KIAA0232: variants seen among roughly 807,000 people sequenced by gnomAD.
KIAA0232 encodes KIAA0232.
KIAA0232 carries 27 observed loss-of-function variants against 122.0 expected under a neutral mutation model. The observed-to-expected ratio is 0.22, with a 90% confidence interval of 0.16 to 0.31. The LOEUF (loss-of-function observed/expected upper bound fraction) is 0.31. KIAA0232 is among the 10% of genes least tolerant of loss of function. The pLI is 1.00. For missense variants in KIAA0232, 1,551 were observed against 1,634.2 expected, an observed-to-expected ratio of 0.95 and a Z score of 0.88; for synonymous variants, 613 against 587.6, an observed-to-expected ratio of 1.04 and a Z score of -0.63.
chr4:6,863,361 C>T lies in KIAA0232; in HGVS notation c.2979C>T (p.Phe993=), dbSNP rs371637563. The T allele has an allele frequency of 2.3e-5, 37 of 1,614,100 alleles. 1 individual carries two copies. The Middle Eastern group carries it at 1.3e-3, about 58-fold the overall frequency. The change falls in exon 7 of 10, where the codon TTC becomes TTT. Residue 993 remains phenylalanine, a synonymous_variant. Transcript: ENST00000307659. Reference sequence around the variant, plus strand: ...GGCACAGGCAGTTATGGAAACCCTTCGTGTCATTTGAACAGAATGATCAGC... The same window carrying T: ...GGCACAGGCAGTTATGGAAACCCTTTGTGTCATTTGAACAGAATGATCAGC... ...APGHRQLWKP[F]VSFEQNDQPK...
chr4:6,856,146 A>C (rs1720556902), intron 4 of KIAA0232, among the ~76,000 whole-genome samples: 1 of 152,092 alleles, frequency 6.6e-6, no homozygotes. Flanking sequence ...CTTATGTAGG[A>C]TATCTATAAT....
chr4:6,878,408 CATACATAAATAT>C (rs1721870453), intron 9 of KIAA0232, among the ~76,000 whole-genome samples: 1 of 152,114 alleles, frequency 6.6e-6, no homozygotes, highest in Admixed American at 6.5e-5. Flanking sequence ...TACATACATA[CATACATAAATAT>C]ATACATACAT....
At chr4:6,784,515 C>A (rs1387131135) in intron 1 of KIAA0232, among the ~76,000 whole-genome samples, 1 of 152,154 alleles carries the variant, frequency 6.6e-6, no homozygotes, top group East Asian at 1.9e-4. Flanking sequence ...TGGATTGAAC[C>A]ATTCTTAAAT....
intron 2 of KIAA0232, among the ~76,000 whole-genome samples, chr4:6,814,094 G>T (rs1164457374): frequency 6.6e-6 from 1 of 152,178 alleles, no homozygotes; most frequent in East Asian, 1.9e-4. Flanking sequence ...GCAAGTATAT[G>T]TATGTGCTGA....
intron 1 of KIAA0232, among the ~76,000 whole-genome samples, chr4:6,800,641 A>G (rs924794539): frequency 2.0e-5 from 3 of 151,860 alleles, no homozygotes; most frequent in Non-Finnish European, 4.4e-5. Flanking sequence ...AGATCATGCC[A>G]CTGCACTGCA....
intron 3 of KIAA0232, among the ~76,000 whole-genome samples, chr4:6,834,124 T>TG (rs2109084373): frequency 6.6e-6 from 1 of 152,316 alleles, no homozygotes; most frequent in African/African-American, 2.4e-5. Context: ...GATAGGGTCT[T>TG]GCTTTCGCCC....
chr4:6,833,718 C>T (rs900389901), intron 3 of KIAA0232, among the ~76,000 whole-genome samples: 1 of 152,152 alleles, frequency 6.6e-6, no homozygotes, highest in Non-Finnish European at 1.5e-5. Context: ...TTCACTTTGA[C>T]TCCCATAGTG....
chr4:6,833,500 T>C, intron 3 of KIAA0232, among the ~76,000 whole-genome samples: 1 of 152,004 alleles, frequency 6.6e-6, no homozygotes, highest in South Asian at 2.1e-4. Flanking sequence ...CATGGTGGTG[T>C]GTGCCTGTAG....
At position 6,805,721 on chromosome 4, in the gene KIAA0232, T is replaced by C. The variant is rs149262427; in HGVS notation, c.-270+1115T>C. On this transcript the variant is annotated intron_variant, in intron 2 of 9. Transcript: ENST00000307659. ...TGATATAGTATTTTATATGATAAAA[T>C]GTTTCAACGTTGACAAAGTGGGTTT... Among the ~76,000 whole-genome samples, 330 of 152,322 alleles carry C rather than the reference T, an allele frequency of 2.2e-3. 1 individual carries two copies. Among genetic ancestry groups the C allele is most frequent in the African/African-American group, 7.3e-3 (302 of 41,582 alleles).
chr4:6,875,371 A>T (rs921037522), intron 8 of KIAA0232, among the ~76,000 whole-genome samples: 1 of 152,264 alleles, frequency 6.6e-6, no homozygotes, highest in Non-Finnish European at 1.5e-5. Flanking sequence ...ACAAGTAAAT[A>T]GCATGACCTG....
rs146673023 is a variant in KIAA0232, at chr4:6,868,054, T to C, written c.3802-3520T>C. On this transcript the variant is annotated intron_variant, in intron 7 of 9. Coordinates refer to ENST00000307659, the MANE Select transcript of KIAA0232 (RefSeq NM_014743.3). Reference sequence around the variant, plus strand: ...CTGGTGTGACCCAAATGAGAGCTGATTGTGGCAAAGGGGCAAGATTCCCAG... The same window carrying C: ...CTGGTGTGACCCAAATGAGAGCTGACTGTGGCAAAGGGGCAAGATTCCCAG... Among the ~76,000 whole-genome samples, 1,340 of 152,312 alleles carry C rather than the reference T, an allele frequency of 8.8e-3. 7 individuals are homozygous for C. Among genetic ancestry groups the C allele is most frequent in the Non-Finnish European group, 0.014 (969 of 68,032 alleles).
rs771684314 is a variant in KIAA0232, at chr4:6,863,844, G to A, written c.3462G>A (p.Leu1154=). The A allele has an allele frequency of 3.1e-6, 5 of 1,613,946 alleles. No homozygotes were observed. The East Asian group carries it at 6.7e-5, about 22-fold the overall frequency. The change falls in exon 7 of 10, where the codon TTG becomes TTA. Residue 1154 remains leucine (L), a synonymous_variant. Coordinates refer to ENST00000307659, the MANE Select transcript of KIAA0232 (RefSeq NM_014743.3). ...ATCCGCAGGCAGATCTCAAACCTTT[G>A]GAAGAAGATGCAGAGAAAGAAGGCC... is the stretch of plus-strand genomic sequence containing the variant. ...FEDPQADLKP[L]EEDAEKEGHY... is the part of the protein sequence containing the mutation.
At chr4:6,826,970 A>G (rs1217293843) in intron 3 of KIAA0232, among the ~76,000 whole-genome samples, 2 of 152,224 alleles carry the variant, frequency 1.3e-5, no homozygotes, top group African/African-American at 2.4e-5. Flanking sequence ...AACTATCAGT[A>G]TCTGCAGCTG....
intron 3 of KIAA0232, among the ~76,000 whole-genome samples, chr4:6,837,467 C>T (rs1156335601): frequency 6.7e-6 from 1 of 149,478 alleles, no homozygotes; most frequent in East Asian, 2.0e-4. Flanking sequence ...ACATCCCAGA[C>T]GATGGGCGGC....
At chr4:6,850,699 C>T (rs1021331337) in intron 4 of KIAA0232, among the ~76,000 whole-genome samples, 15 of 150,120 alleles carry the variant, frequency 1.0e-4, no homozygotes, top group Admixed American at 2.0e-4. Flanking sequence ...GACGGAGTCT[C>T]GCTCTGTGCC....
chr4:6,810,733 C>T (rs192499781), intron 2 of KIAA0232, among the ~76,000 whole-genome samples: 7 of 152,196 alleles, frequency 4.6e-5, no homozygotes, highest in Non-Finnish European at 8.8e-5. Context: ...ACTTCAACAA[C>T]AGCAAAAACA....
intron 3 of KIAA0232, among the ~76,000 whole-genome samples, chr4:6,835,457 G>GA (rs1320183891): frequency 1.3e-5 from 2 of 152,308 alleles, no homozygotes; most frequent in Admixed American, 1.3e-4. Context: ...CTTACCCAAA[G>GA]AATTAGGATT....
intron 1 of KIAA0232, among the ~76,000 whole-genome samples, chr4:6,789,807 A>G (rs922509880): frequency 2.0e-5 from 3 of 152,146 alleles, no homozygotes; most frequent in Non-Finnish European, 4.4e-5. Context: ...TGGGAGGATC[A>G]CTTGAGCCCA....
rs1053990034 is a variant in KIAA0232 at position 6,823,292 on chromosome 4, C to G, written c.-269-893C>G. Reference sequence around the variant, plus strand: ...GATTTATAGTCCTTTGGGTATATACCCAGTAATGGGATGGCTGGGTCAAAT... The same window carrying G: ...GATTTATAGTCCTTTGGGTATATACGCAGTAATGGGATGGCTGGGTCAAAT... On this transcript the variant is annotated intron_variant, in intron 2 of 9. Transcript: ENST00000307659. Among the ~76,000 whole-genome samples the G allele has an allele frequency of 1.2e-4, 18 of 151,984 alleles. No individual in the cohort carries two copies. The East Asian group carries it at 3.5e-3, about 29-fold the overall frequency.
Sources: gnomAD v4.1 joint callset for allele counts (sites outside exome capture counted in the v4.1 genomes callset) on GRCh38, gnomAD v4.1.1 for gene constraint, MANE v1.5 for transcripts, NCBI Gene and HGNC (gene_info 2026-07-23, HGNC 2026-07-21) for gene names.